The following FAM227B variants were observed in gnomAD, a reference collection of about 807,000 sequenced individuals.
FAM227B encodes the protein protein FAM227B.
In FAM227B, 88 loss-of-function variants were observed where a neutral mutation model predicts 73.8. That is an observed-to-expected ratio of 1.19 (90% confidence interval 1.00 to 1.42). FAM227B has a LOEUF of 1.42. Ranked by LOEUF, FAM227B falls within the 40% of genes most tolerant of loss-of-function variation. The pLI is 0.00. For missense variants in FAM227B, 632 were observed against 590.9 expected (o/e 1.07, Z -0.72); for synonymous variants, 210 against 190.5 (o/e 1.10, Z -0.84).
chr15:49,356,226 A>G (rs1048226041), intron 13 of FAM227B, among the ~76,000 whole-genome samples: 3 of 152,208 alleles, frequency 2.0e-5, no homozygotes, highest in African/African-American at 4.8e-5. Context: ...ACAGGATCAA[A>G]TTCACACATA....
chr15:49,438,834 T>TGAGAGA (rs34026981), intron 11 of FAM227B, among the ~76,000 whole-genome samples: 1 of 149,656 alleles, frequency 6.7e-6, no homozygotes, highest in Non-Finnish European at 1.5e-5. Context: ...GCTAAGCAAC[T>TGAGAGA]GAGAGAGAGA....
chr15:49,585,051 T>A (rs937713322), intron 5 of FAM227B, among the ~76,000 whole-genome samples: 2 of 152,066 alleles, frequency 1.3e-5, no homozygotes, highest in Non-Finnish European at 2.9e-5. Flanking sequence ...GACACTTCTC[T>A]AAAGAAGACA....
chr15:49,356,053 C>T (rs1195129846), intron 13 of FAM227B, among the ~76,000 whole-genome samples: 1 of 150,610 alleles, frequency 6.6e-6, no homozygotes, highest in African/African-American at 2.5e-5. Flanking sequence ...GAGATTTTCT[C>T]ACCAACAGGC....
At chr15:49,354,612 G>A (rs533110176) in intron 13 of FAM227B, among the ~76,000 whole-genome samples, 5 of 152,302 alleles carry the variant, frequency 3.3e-5, no homozygotes, top group Admixed American at 1.3e-4. Flanking sequence ...ACGGAGTCTC[G>A]CTGATTGCTA....
intron 11 of FAM227B, among the ~76,000 whole-genome samples, chr15:49,484,101 GGT>G: frequency 6.6e-6 from 1 of 151,872 alleles, no homozygotes; most frequent in East Asian, 1.9e-4. Flanking sequence ...TGTATTATGT[GGT>G]GTTTTTATTT....
At chr15:49,555,659 C>T (rs1232855585) in intron 9 of FAM227B, among the ~76,000 whole-genome samples, 6 of 152,226 alleles carry the variant, frequency 3.9e-5, no homozygotes, top group African/African-American at 4.8e-5. Context: ...CTTGCTTTCT[C>T]TCCCTCTTTC....
chr15:49,387,444 C>A (rs1180253743), intron 11 of FAM227B, among the ~76,000 whole-genome samples: 1 of 150,946 alleles, frequency 6.6e-6, no homozygotes, highest in Non-Finnish European at 1.5e-5. Flanking sequence ...ACTACAGCAT[C>A]CCTTTATAAG....
chr15:49,591,029 GTTTTTTTTTT>G (rs71424023), intron 3 of FAM227B, among the ~76,000 whole-genome samples: 1 of 105,608 alleles, frequency 9.5e-6, no homozygotes, highest in Non-Finnish European at 2.0e-5. Flanking sequence ...TCTTTTTTTT[GTTTTTTTTTT>G]TTTTGATTTT....
At chr15:49,507,941 A>G (rs969852003) in intron 11 of FAM227B, among the ~76,000 whole-genome samples, 1 of 152,170 alleles carries the variant, frequency 6.6e-6, no homozygotes. Flanking sequence ...GAGACAATAC[A>G]TATTAACCAG....
chr15:49,496,725 C>T (rs1001599129), intron 11 of FAM227B, among the ~76,000 whole-genome samples: 2 of 151,788 alleles, frequency 1.3e-5, no homozygotes, highest in Non-Finnish European at 2.9e-5. Flanking sequence ...TCTCAAATGT[C>T]GAAAAAAATT....
chr15:49,370,072 AG>A (rs2045708794), intron 12 of FAM227B, among the ~76,000 whole-genome samples: 1 of 152,234 alleles, frequency 6.6e-6, no homozygotes, highest in Non-Finnish European at 1.5e-5. Context: ...AGCCTTCACC[AG>A]AAAACCAAAT....
intron 11 of FAM227B, among the ~76,000 whole-genome samples, chr15:49,376,572 T>A (rs943649155): frequency 6.6e-6 from 1 of 152,092 alleles, no homozygotes; most frequent in Non-Finnish European, 1.5e-5. Context: ...AACCTTGTTC[T>A]TCCTTTCTCA....
chr15:49,620,610 CTAATG>C (rs1400141155), intron 1 of FAM227B, 85 bp downstream of exon 1: 1 of 152,212 alleles, frequency 6.6e-6, no homozygotes, highest in Non-Finnish European at 1.5e-5. Context: ...CCACGAAAGA[CTAATG>C]TAACCAAGTT....
At chr15:49,572,800 T>C (rs2152365634) in intron 8 of FAM227B, among the ~76,000 whole-genome samples, 1 of 152,206 alleles carries the variant, frequency 6.6e-6, no homozygotes, top group South Asian at 2.1e-4. Flanking sequence ...TATTTGGGTT[T>C]TGTTTCTTCT....
At chr15:49,349,905 G>GA (rs1381379569) in intron 13 of FAM227B, among the ~76,000 whole-genome samples, 5 of 151,870 alleles carry the variant, frequency 3.3e-5, no homozygotes, top group East Asian at 3.9e-4. Flanking sequence ...AATGAAAGGG[G>GA]AAAAAAAATC....
At chr15:49,413,959 C>T (rs1387717068) in intron 11 of FAM227B, among the ~76,000 whole-genome samples, 2 of 151,716 alleles carry the variant, frequency 1.3e-5, no homozygotes, top group African/African-American at 2.4e-5. Flanking sequence ...TTTGAAACAT[C>T]CTTCTCCTTT....
chr15:49,339,824 G>A (rs547360154), intron 13 of FAM227B, among the ~76,000 whole-genome samples: 6 of 152,266 alleles, frequency 3.9e-5, no homozygotes, highest in East Asian at 1.9e-4. Context: ...TGCCCTGCCC[G>A]TAGAGGAATG....
intron 11 of FAM227B, among the ~76,000 whole-genome samples, chr15:49,497,866 C>T (rs1049324667): frequency 1.4e-4 from 21 of 152,184 alleles, no homozygotes; most frequent in African/African-American, 5.1e-4. Flanking sequence ...GCCTCTGCAC[C>T]ACTTTGGCCC....
At chr15:49,504,135 A>T (rs1009576107) in intron 11 of FAM227B, among the ~76,000 whole-genome samples, 1 of 152,148 alleles carries the variant, frequency 6.6e-6, no homozygotes, top group Non-Finnish European at 1.5e-5. Flanking sequence ...AGGGACATGG[A>T]TGAAGACGGA....
Sources: allele counts gnomAD v4.1 joint callset (sites outside exome capture counted in the v4.1 genomes callset), GRCh38; gene constraint gnomAD v4.1.1; transcripts MANE v1.5; gene names NCBI Gene and HGNC (gene_info 2026-07-23, HGNC 2026-07-21).